Variants in ANO6 observed in about 807,000 individuals in gnomAD.
ANO6 encodes the protein anoctamin-6.
Under a neutral mutation model 117.5 loss-of-function variants are expected in ANO6, and 106 were observed. The ratio of observed to expected loss-of-function variants is 0.90; its 90% CI spans 0.77 to 1.06. ANO6 has a LOEUF of 1.06. Among genes scored for constraint, ANO6 ranks in the 50% least tolerant of loss-of-function variants. ANO6 has a pLI of 0.00. For missense variants in ANO6, 955 were observed against 1,121.1 expected (o/e 0.85, Z 2.12); for synonymous variants, 367 against 385.1 (o/e 0.95, Z 0.55).
downstream of ANO6, among the ~76,000 whole-genome samples, chr12:45,436,854 G>A (rs912705563): frequency 2.6e-5 from 4 of 152,104 alleles, no homozygotes; most frequent in South Asian, 2.1e-4. Flanking sequence ...CTGTAATCTC[G>A]GCTACTAGGG....
At position 45,255,800 on chromosome 12, in the gene ANO6, C is replaced by T. The variant is rs557012475; in HGVS notation, c.70+39409C>T. 1.5e-3 allele frequency among the ~76,000 whole-genome samples: 215 copies of T among 145,142 alleles called. 1 individual carries two copies. The highest frequency in any genetic ancestry group is 5.4e-3 in the African/African-American group (208 of 38,174). On this transcript the variant is annotated intron_variant, in intron 1 of 19. Coordinates refer to ENST00000320560, the MANE Select transcript of ANO6 (RefSeq NM_001025356.3). ...ATACATCTCCATCTCCATCTGGCCC[C>T]AGGTTTTCTCCCTGGGTGTTTTTTT...
intron 10 of ANO6, among the ~76,000 whole-genome samples, chr12:45,381,630 C>A (rs1178613713): frequency 6.6e-6 from 1 of 152,186 alleles, no homozygotes; most frequent in East Asian, 1.9e-4. Context: ...AAAACACTCA[C>A]CTGTCGCTGC....
At chr12:45,387,916 T>C (rs1037001602) in intron 10 of ANO6, among the ~76,000 whole-genome samples, 3 of 152,128 alleles carry the variant, frequency 2.0e-5, no homozygotes, top group African/African-American at 7.2e-5. Context: ...CCTATTGCCA[T>C]GTAAGACGTG....
chr12:45,317,129 ATATT>A lies in ANO6; in HGVS notation c.151-14161_151-14158del, dbSNP rs572959402. Among the ~76,000 whole-genome samples the A allele has an allele frequency of 6.2e-4, 65 of 105,454 alleles. 9 individuals are homozygous for A. Among genetic ancestry groups the A allele is most frequent in the African/African-American group, 1.4e-3 (48 of 33,644 alleles). 69.2% of individuals were successfully genotyped at this position (105,454 alleles called of 152,430 possible). Reference sequence around the variant, plus strand: ...TTTTTATATGTATATATATATATATATATTTATTATACTTTAAGTTCCAGGGTAC... The same window carrying A: ...TTTTTATATGTATATATATATATATATATTATACTTTAAGTTCCAGGGTAC... On this transcript the variant is annotated intron_variant, in intron 2 of 19. Coordinates refer to ENST00000320560, the MANE Select transcript of ANO6 (RefSeq NM_001025356.3).
intron 19 of ANO6, among the ~76,000 whole-genome samples, chr12:45,425,598 A>G (rs1943482166): frequency 6.6e-6 from 1 of 152,238 alleles, no homozygotes; most frequent in Non-Finnish European, 1.5e-5. Context: ...AATGCTAAAG[A>G]AGGTAGCTAT....
intron 19 of ANO6, among the ~76,000 whole-genome samples, chr12:45,427,460 A>G (rs909006701): frequency 6.6e-6 from 1 of 152,086 alleles, no homozygotes; most frequent in Non-Finnish European, 1.5e-5. Flanking sequence ...TTTTCTTCTG[A>G]TATCTGTAGG....
intron 2 of ANO6, among the ~76,000 whole-genome samples, chr12:45,317,956 T>C (rs1940110620): frequency 6.6e-6 from 1 of 152,216 alleles, no homozygotes; most frequent in South Asian, 2.1e-4. Context: ...TTTGCCCACT[T>C]TTTGATGGGG....
chr12:45,376,336 GCCATC>G (rs1942016497), intron 9 of ANO6, among the ~76,000 whole-genome samples: 1 of 130,130 alleles, frequency 7.7e-6, no homozygotes. Flanking sequence ...ATTTGACCCA[GCCATC>G]CCATTACTGG....
chr12:45,221,882 T>C (rs1178971974), intron 1 of ANO6, among the ~76,000 whole-genome samples: 1 of 149,838 alleles, frequency 6.7e-6, no homozygotes, highest in African/African-American at 2.5e-5. Context: ...GACTCCTTTT[T>C]TTTTTTTTTT....
At chr12:45,424,327 GTTTTTTT>G (rs66945216) in intron 19 of ANO6, among the ~76,000 whole-genome samples, 17 of 81,240 alleles carry the variant, frequency 2.1e-4, no homozygotes, top group Admixed American at 1.1e-3. Context: ...TAGGTGATGG[GTTTTTTT>G]TTTTTTTTTT....
rs555997173 is a variant in ANO6 at position 45,311,366 on chromosome 12, G to C, written c.150+9273G>C. ...GAAGCTCCGTGTGAATTGAGCATGT[G>C]ATAACAATGTCAAAAGGTTAATGAA... On this transcript the variant is annotated intron_variant, in intron 2 of 19. Coordinates refer to ENST00000320560, the MANE Select transcript of ANO6 (RefSeq NM_001025356.3). Among the ~76,000 whole-genome samples, 7 of 152,214 alleles carry C rather than the reference G, an allele frequency of 4.6e-5. No individual in the cohort carries two copies. In the Middle Eastern group the frequency reaches 0.017, roughly 370 times the overall value.
chr12:45,292,953 T>C (rs1461576109), intron 1 of ANO6: 3 of 1,551,234 alleles, frequency 1.9e-6, no homozygotes, highest in Admixed American at 3.9e-5. Context: ...ATGTTCCTAT[T>C]TGGTGAGTTG....
At chr12:45,239,578 T>C (rs184587616) in intron 1 of ANO6, among the ~76,000 whole-genome samples, 484 of 152,156 alleles carry the variant, frequency 3.2e-3, no homozygotes, top group African/African-American at 9.2e-3. Context: ...TTATTTCTTG[T>C]CTTCTGCTAG....
At chr12:45,426,103 T>G (rs1172592462) in intron 19 of ANO6, among the ~76,000 whole-genome samples, 2 of 152,234 alleles carry the variant, frequency 1.3e-5, no homozygotes, top group Non-Finnish European at 2.9e-5. Context: ...GCTCACTACA[T>G]ACATGTGTCT....
rs1322832716 is a variant in ANO6 at position 45,414,139 on chromosome 12, C to A, written c.2012-2560C>A. On this transcript the variant is annotated intron_variant, in intron 16 of 19. Coordinates refer to ENST00000320560, the MANE Select transcript of ANO6 (RefSeq NM_001025356.3). ...GATGCGGGGCTTCAGGGAGTAGTTA[C>A]TCTACCACTTGTTGTGAAGGTGGAC... 3.3e-5 allele frequency among the ~76,000 whole-genome samples: 5 copies of A among 152,068 alleles called. No homozygotes were observed. In the South Asian group the frequency reaches 8.3e-4, roughly 25 times the overall value.
chr12:45,283,803 T>C (rs1357149030), intron 1 of ANO6, among the ~76,000 whole-genome samples: 1 of 152,194 alleles, frequency 6.6e-6, no homozygotes, highest in Non-Finnish European at 1.5e-5. Flanking sequence ...GTCACCGGAA[T>C]CCATGTATTT....
At chr12:45,320,816 T>G (rs1940238585) in intron 2 of ANO6, among the ~76,000 whole-genome samples, 1 of 152,200 alleles carries the variant, frequency 6.6e-6, no homozygotes, top group African/African-American at 2.4e-5. Context: ...ATTGGGTGGA[T>G]ATATATTTAG....
chr12:45,296,566 A>C (rs538140076), intron 1 of ANO6, among the ~76,000 whole-genome samples: 1 of 151,808 alleles, frequency 6.6e-6, no homozygotes, highest in Admixed American at 6.6e-5. Context: ...TTATATCTCT[A>C]TCTGGCTATA....
At chr12:45,347,967 G>A (rs1004683818) in intron 4 of ANO6, 61 bp from the exon 5 acceptor site, 2 of 1,512,292 alleles carry the variant, frequency 1.3e-6, no homozygotes, top group South Asian at 1.1e-5. Flanking sequence ...AAAAATCTAT[G>A]TGTTTTAAAA....
Sources: gnomAD v4.1 joint callset for allele counts (sites outside exome capture counted in the v4.1 genomes callset) on GRCh38, gnomAD v4.1.1 for gene constraint, MANE v1.5 for transcripts, NCBI Gene and HGNC (gene_info 2026-07-23, HGNC 2026-07-21) for gene names.